ACTN4: variants seen among roughly 807,000 people sequenced by gnomAD.
ACTN4 encodes the protein actinin alpha 4.
In ACTN4, 18 loss-of-function variants were observed where a neutral mutation model predicts 114.2. The observed-to-expected ratio is 0.16, with a 90% CI of 0.11 to 0.23. ACTN4 has a LOEUF of 0.23. Among genes scored for constraint, ACTN4 ranks in the 10% least tolerant of loss-of-function variants. The pLI is 1.00. For synonymous variants in ACTN4, 515 were observed against 506.3 expected, an observed-to-expected ratio of 1.02 and a Z score of -0.23; for missense variants, 722 against 1,262.9, an observed-to-expected ratio of 0.57 and a Z score of 6.49.
intron 1 of ACTN4, among the ~76,000 whole-genome samples, chr19:38,667,464 G>A (rs907032459): frequency 1.3e-5 from 2 of 152,080 alleles, no homozygotes; most frequent in African/African-American, 2.4e-5. Context: ...AACTTTCCTC[G>A]TTTTTCTAAG....
chr19:38,650,729 C>A (rs1976536734), intron 1 of ACTN4, among the ~76,000 whole-genome samples: 1 of 152,044 alleles, frequency 6.6e-6, no homozygotes, highest in Non-Finnish European at 1.5e-5. Context: ...CACTCCCAGG[C>A]TGGCTGGGTT....
rs1426388264 is a variant in ACTN4, at chr19:38,710,237, C to T, written c.734-20C>T. The T allele has an allele frequency of 2.5e-6, 4 of 1,613,968 alleles. No individual in the cohort carries two copies. The highest frequency in any genetic ancestry group is 3.4e-6 in the Non-Finnish European group (4 of 1,179,928). On this transcript the variant is annotated intron_variant, in intron 7 of 20. Coordinates refer to ENST00000252699, the MANE Select transcript of ACTN4 (RefSeq NM_004924.6). ...CCCCCGCCCTACTCGGGCAGTTTAA[C>T]CCTTGTTGTTCACTTGCAGACATCG... is the stretch of plus-strand genomic sequence containing the variant.
intron 7 of ACTN4, 134 bp downstream of exon 7, chr19:38,709,610 A>G (rs962821339): frequency 1.4e-4 from 109 of 785,684 alleles, no homozygotes; most frequent in Non-Finnish European, 1.6e-4. Context: ...GCCAGCAAGA[A>G]GGGCTGAATG....
chr19:38,656,676 A>T (rs571537998), intron 1 of ACTN4, among the ~76,000 whole-genome samples: 6 of 152,186 alleles, frequency 3.9e-5, no homozygotes, highest in Non-Finnish European at 5.9e-5. Context: ...TGTTGCAATG[A>T]TTGAATGGGA....
intron 1 of ACTN4, among the ~76,000 whole-genome samples, chr19:38,689,966 A>G (rs1189157850): frequency 6.6e-6 from 1 of 152,222 alleles, no homozygotes; most frequent in Non-Finnish European, 1.5e-5. Flanking sequence ...ACCCACCTTT[A>G]AACACCGGGC....
intron 12 of ACTN4, among the ~76,000 whole-genome samples, chr19:38,722,492 G>A (rs1969079772): frequency 6.6e-6 from 1 of 152,096 alleles, no homozygotes; most frequent in Non-Finnish European, 1.5e-5. Context: ...CAGCCCTGAT[G>A]CCCCAGTGGA....
At chr19:38,710,181 G>A in intron 7 of ACTN4, 76 bp from the exon 8 acceptor site, 1 of 1,506,866 alleles carries the variant, frequency 6.6e-7, no homozygotes, top group Non-Finnish European at 9.2e-7. Flanking sequence ...GGCCTTGGGA[G>A]CCCGTGGATC....
chr19:38,718,793 G>A (rs984893748), intron 11 of ACTN4, among the ~76,000 whole-genome samples: 1 of 152,210 alleles, frequency 6.6e-6, no homozygotes, highest in Non-Finnish European at 1.5e-5. Context: ...CGCACCCTGT[G>A]TTCAGAGTCG....
At chr19:38,722,940 G>A (rs1969097008) in intron 12 of ACTN4, among the ~76,000 whole-genome samples, 1 of 152,214 alleles carries the variant, frequency 6.6e-6, no homozygotes, top group South Asian at 2.1e-4. Flanking sequence ...CTGCTGAGGG[G>A]GAATTACAGA....
At chr19:38,654,191 C>A (rs2079890657) in intron 1 of ACTN4, among the ~76,000 whole-genome samples, 1 of 152,120 alleles carries the variant, frequency 6.6e-6, no homozygotes, top group African/African-American at 2.4e-5. Context: ...ATTTTAAATT[C>A]CAGCCTCTGT....
At chr19:38,652,120 C>T (rs972224157) in intron 1 of ACTN4, among the ~76,000 whole-genome samples, 3 of 152,046 alleles carry the variant, frequency 2.0e-5, no homozygotes, top group African/African-American at 7.2e-5. Context: ...TGTTCCATTA[C>T]TCTAATTGCT....
At chr19:38,726,534 A>G (rs929738428) in intron 17 of ACTN4, among the ~76,000 whole-genome samples, 6 of 152,198 alleles carry the variant, frequency 3.9e-5, no homozygotes, top group Non-Finnish European at 7.3e-5. Flanking sequence ...CTCCGGGGAC[A>G]TTACAAGCTG....
In ACTN4 at chr19:38,727,235, A is replaced by T; in HGVS notation, c.2337+132A>T. On this transcript the variant is annotated intron_variant, in intron 18 of 20. Transcript: ENST00000252699. The surrounding 1 kb of genome is among the most constrained non-coding windows in gnomAD (Gnocchi z 5.4). ...GTCGGCCGCCACTCCCAGGGCCAGCAGGGCCCTGCCACTGTCAGGGTGTAG... is the reference window on the plus strand; with the variant it reads ...GTCGGCCGCCACTCCCAGGGCCAGCTGGGCCCTGCCACTGTCAGGGTGTAG... 3.6e-6 allele frequency: 5 copies of T among 1,378,572 alleles called. No individual in the cohort carries two copies. The highest frequency in any genetic ancestry group is 4.0e-6 in the Non-Finnish European group (4 of 994,888). The allele number at this position is 1,378,572 out of a possible 1,614,324, so 85.4% of individuals were successfully genotyped here. A position where few individuals can be genotyped will look rare whatever the true frequency, so the allele number is the denominator to read the frequency against.
In ACTN4 at chr19:38,729,009, T is replaced by G. The variant is rs1447269650; in HGVS notation, c.2432T>G (p.Phe811Cys). The G allele has an allele frequency of 6.2e-7, 1 of 1,613,206 alleles. No individual in the cohort carries two copies. ...VENDRQGEAEFNRIMSLVDPN... is the reference protein window; with the variant it reads ...VENDRQGEAECNRIMSLVDPN... ...CTCTCCTTGCAGGGTGAGGCCGAGT[T>G]CAACCGCATCATGAGCCTGGTCGAC... The change falls in exon 20 of 21, where the codon TTC becomes TGC. Residue 811 changes from phenylalanine (F) to cysteine (C), a missense_variant. Physicochemically the swap from Phe to Cys is radical, Grantham distance 205. Transcript: ENST00000252699.
At chr19:38,713,970 C>G (rs1386037954) in intron 8 of ACTN4, among the ~76,000 whole-genome samples, 5 of 152,200 alleles carry the variant, frequency 3.3e-5, no homozygotes, top group Non-Finnish European at 5.9e-5. Context: ...CTCTGGAGCT[C>G]CTATTAACAT....
intron 1 of ACTN4, among the ~76,000 whole-genome samples, chr19:38,661,454 G>A (rs1234912730): frequency 2.6e-5 from 4 of 152,168 alleles, no homozygotes; most frequent in Admixed American, 1.3e-4. Flanking sequence ...GGCTCTCTTA[G>A]GGAGCTTAAC....
At chr19:38,728,118 C>A in intron 19 of ACTN4, 92 bp downstream of exon 19, 1 of 1,463,410 alleles carries the variant, frequency 6.8e-7, no homozygotes, top group Non-Finnish European at 9.4e-7. Flanking sequence ...CCCACCCCTG[C>A]CATCCTGTGT....
At chr19:38,721,834 G>C in intron 12 of ACTN4, 146 bp downstream of exon 12, 1 of 1,219,040 alleles carries the variant, frequency 8.2e-7, no homozygotes, top group Admixed American at 2.0e-5. Context: ...CCAGAAGCCA[G>C]GGAAGGGCCT....
At chr19:38,705,130 C>A in intron 4 of ACTN4, 110 bp downstream of exon 4, 1 of 1,047,810 alleles carries the variant, frequency 9.5e-7, no homozygotes, top group Non-Finnish European at 1.5e-6. Context: ...CTTGGGGTCA[C>A]TCACAGGGCC....
Sources: gnomAD v4.1 joint callset for allele counts (sites outside exome capture counted in the v4.1 genomes callset) on GRCh38, gnomAD v4.1.1 for gene constraint, Gnocchi (gnomAD v3.1) non-coding constraint, MANE v1.5 for transcripts, NCBI Gene and HGNC (gene_info 2026-07-23, HGNC 2026-07-21) for gene names.